DGKH: variants seen among roughly 807,000 people sequenced by gnomAD.
DGKH encodes DAG kinase eta.
In DGKH, 90 loss-of-function variants were observed where a neutral mutation model predicts 159.3. That is an observed-to-expected ratio of 0.57 (90% confidence interval 0.48 to 0.67). The LOEUF (loss-of-function observed/expected upper bound fraction) is 0.67. Among genes scored for constraint, DGKH ranks in the 30% least tolerant of loss-of-function variants. DGKH has a pLI of 0.00. For synonymous variants in DGKH, 536 were observed against 553.8 expected (o/e 0.97, Z 0.45); for missense variants, 1,181 against 1,506.1 (o/e 0.78, Z 3.57).
At chr13:42,213,809 C>T (rs1380861947) in intron 24 of DGKH, among the ~76,000 whole-genome samples, 6 of 152,116 alleles carry the variant, frequency 3.9e-5, no homozygotes, top group South Asian at 4.1e-4. Context: ...TTCTAGCAAT[C>T]GGAGGGACTT....
chr13:42,063,412 C>T (rs1335158771), intron 1 of DGKH, among the ~76,000 whole-genome samples: 1 of 152,148 alleles, frequency 6.6e-6, no homozygotes, highest in Non-Finnish European at 1.5e-5. Context: ...TGACAATTTC[C>T]TTGACAGTTT....
At chr13:42,248,645 A>G (rs1958599391) in intron 29 of DGKH, among the ~76,000 whole-genome samples, 2 of 147,972 alleles carry the variant, frequency 1.4e-5, no homozygotes. Context: ...ATATATAATT[A>G]TGATATATAT....
In DGKH at chr13:42,209,580, G is replaced by A. The variant is rs186030290; in HGVS notation, c.2850+115G>A. ...ATTGTCTCTTAAATCTGACATTTAGGTCATGGTGGTTTGAAATATGAACAA... is the reference window on the plus strand; with the variant it reads ...ATTGTCTCTTAAATCTGACATTTAGATCATGGTGGTTTGAAATATGAACAA... On this transcript the variant is annotated intron_variant, in intron 23 of 29. Transcript: ENST00000337343. 2.4e-5 allele frequency: 29 copies of A among 1,190,324 alleles called. No homozygotes were observed. The African/African-American group carries it at 3.3e-4, about 13-fold the overall frequency. The allele number at this position is 1,190,324 out of a possible 1,614,324, so 73.7% of individuals were successfully genotyped here.
At chr13:42,181,225 G>A (rs1288145783) in intron 13 of DGKH, among the ~76,000 whole-genome samples, 1 of 143,608 alleles carries the variant, frequency 7.0e-6, no homozygotes, top group Non-Finnish European at 1.5e-5. Flanking sequence ...TGCAGTGAGC[G>A]GAGATTGCGC....
rs573137178 is a variant in DGKH, at chr13:42,221,102, TG to T, written c.3443-159del. 120 of 873,392 alleles carry T rather than the reference TG, an allele frequency of 1.4e-4. 1 individual carries two copies. The African/African-American group carries it at 2.0e-3, about 14-fold the overall frequency. 54.1% of individuals were successfully genotyped at this position (873,392 alleles called of 1,614,324 possible). The stretch of plus-strand genomic sequence containing the variant: ...TTGTGTTGATAGTGTGTAACTTGCA[TG>T]GGAAAAAGTGGAACTATGGTTTTGT... On this transcript the variant is annotated intron_variant, in intron 28 of 29. Coordinates refer to ENST00000337343, the MANE Select transcript of DGKH (RefSeq NM_178009.5).
chr13:42,069,207 G>C, intron 1 of DGKH: 6 of 1,249,286 alleles, frequency 4.8e-6, no homozygotes, highest in South Asian at 1.5e-5. Flanking sequence ...TGAAGAACTT[G>C]TCTAAGTAAC....
At chr13:42,180,736 A>G (rs1956730101) in intron 13 of DGKH, among the ~76,000 whole-genome samples, 1 of 152,316 alleles carries the variant, frequency 6.6e-6, no homozygotes, top group South Asian at 2.1e-4. Flanking sequence ...TTACAACCCC[A>G]GATACAATTC....
In DGKH at chr13:42,251,985, G is replaced by A. The variant is rs116924241; in HGVS notation, n.4055-424G>A. 4.9e-3 allele frequency among the ~76,000 whole-genome samples: 741 copies of A among 152,286 alleles called. 4 individuals are homozygous for A. Among genetic ancestry groups the A allele is most frequent in the Admixed American group, 0.014 (213 of 15,298 alleles). ...GGTTCCTAGCTGGTCTTCAAAAAAT[G>A]TCCTTTGAATGGGTGAGGAGAGTAT... On this transcript the variant is annotated intron_variant and non_coding_transcript_variant, in intron 29 of 30. Transcript: ENST00000498255.
At position 42,048,700 on chromosome 13, in the gene DGKH, G is replaced by C. The variant is rs1277365746; in HGVS notation, c.-74G>C. On this transcript the variant is annotated 5_prime_UTR_variant, in exon 1 of 30. Transcript: ENST00000337343. The surrounding 1 kb of genome is among the most constrained non-coding windows in gnomAD (Gnocchi z 6.7). ...GGGCACGGGGTTCCGGGCTCCGCTC[G>C]GGCAGAGCCCACCCGCTGACCAACG... 2 of 1,227,062 alleles carry C rather than the reference G, an allele frequency of 1.6e-6. No individual in the cohort carries two copies. The highest frequency in any genetic ancestry group is 3.2e-4 in the Middle Eastern group (1 of 3,142). 76.0% of individuals were successfully genotyped at this position (1,227,062 alleles called of 1,614,324 possible). A position where few individuals can be genotyped will look rare whatever the true frequency, so the allele number is the denominator to read the frequency against.
intron 29 of DGKH, among the ~76,000 whole-genome samples, chr13:42,248,960 TAC>T (rs1252744408): frequency 6.6e-6 from 1 of 152,214 alleles, no homozygotes; most frequent in African/African-American, 2.4e-5. Context: ...TGACTGTGCA[TAC>T]ACACACATAT....
intron 1 of DGKH, among the ~76,000 whole-genome samples, chr13:42,089,010 AC>A (rs1954362766): frequency 6.6e-6 from 1 of 152,234 alleles, no homozygotes; most frequent in South Asian, 2.1e-4. Flanking sequence ...AAGAACCATT[AC>A]TAGGGATAGT....
intron 5 of DGKH, among the ~76,000 whole-genome samples, chr13:42,156,012 A>C (rs1318617604): frequency 9.9e-5 from 15 of 152,104 alleles, no homozygotes; most frequent in Non-Finnish European, 5.9e-5. Flanking sequence ...TACTGTCTAA[A>C]AAAAAAAATC....
intron 14 of DGKH, 90 bp from the exon 15 acceptor site, chr13:42,188,946 T>G (rs1375244458): frequency 6.9e-7 from 1 of 1,447,014 alleles, no homozygotes; most frequent in Non-Finnish European, 9.3e-7. Flanking sequence ...GATTAAACTT[T>G]CAAAACATCT....
At chr13:42,170,094 G>A (rs1956408502) in intron 11 of DGKH, among the ~76,000 whole-genome samples, 1 of 152,186 alleles carries the variant, frequency 6.6e-6, no homozygotes, top group Non-Finnish European at 1.5e-5. Context: ...ATTTGTAAAT[G>A]AGCCTGGAGG....
intron 1 of DGKH, among the ~76,000 whole-genome samples, chr13:42,083,611 T>C (rs542317037): frequency 6.6e-6 from 1 of 152,150 alleles, no homozygotes; most frequent in African/African-American, 2.4e-5. Flanking sequence ...GGATGCGGGC[T>C]GAACTGGGCT....
chr13:42,126,187 C>T (rs975448043), intron 1 of DGKH, among the ~76,000 whole-genome samples: 6 of 151,998 alleles, frequency 3.9e-5, no homozygotes, highest in Admixed American at 3.3e-4. Flanking sequence ...AACTCAGGGA[C>T]CTTATATTCT....
downstream of DGKH, among the ~76,000 whole-genome samples, chr13:42,243,109 C>A (rs1279700301): frequency 6.6e-6 from 1 of 152,146 alleles, no homozygotes. Context: ...CAATGCTGAA[C>A]AGTTCTATCA....
chr13:42,080,322 G>T (rs149745841), intron 1 of DGKH, among the ~76,000 whole-genome samples: 1 of 152,292 alleles, frequency 6.6e-6, no homozygotes, highest in African/African-American at 2.4e-5. Context: ...ATGAGGTGCT[G>T]AGTTTCGTAC....
chr13:42,209,497 G>T, intron 23 of DGKH, 32 bp downstream of exon 23: 4 of 1,526,562 alleles, frequency 2.6e-6, no homozygotes, highest in Non-Finnish European at 3.5e-6. Context: ...CTAGAATATT[G>T]TCAGGTTTTT....
Sources: gnomAD v4.1 joint callset for allele counts (sites outside exome capture counted in the v4.1 genomes callset) on GRCh38, gnomAD v4.1.1 for gene constraint, Gnocchi (gnomAD v3.1) non-coding constraint, MANE v1.5 for transcripts, NCBI Gene and HGNC (gene_info 2026-07-23, HGNC 2026-07-21) for gene names.